CLEC9A: variants seen among roughly 807,000 people sequenced by gnomAD.
CLEC9A encodes the protein C-type lectin domain family 9 member A.
Under a neutral mutation model 30.0 loss-of-function variants are expected in CLEC9A, and 24 were observed. That is an observed-to-expected ratio of 0.80 (90% CI 0.58 to 1.13). CLEC9A has a LOEUF of 1.13. CLEC9A is among the 50% of genes most tolerant of loss of function. The probability of loss-of-function intolerance (pLI) is 0.00; values close to 1 mark genes in which losing one functional copy is unlikely to be tolerated. For missense variants in CLEC9A, 251 were observed against 280.9 expected, an observed-to-expected ratio of 0.89 and a Z score of 0.76; for synonymous variants, 111 against 96.8, an observed-to-expected ratio of 1.15 and a Z score of -0.86.
At chr12:10,036,234 C>G (rs1865743281) in intron 1 of CLEC9A, among the ~76,000 whole-genome samples, 1 of 152,190 alleles carries the variant, frequency 6.6e-6, no homozygotes, top group Admixed American at 6.5e-5. Flanking sequence ...GGTGTATTAA[C>G]TTTTAATAAA....
chr12:10,038,094 A>G (rs1195730763), intron 1 of CLEC9A, among the ~76,000 whole-genome samples: 2 of 152,240 alleles, frequency 1.3e-5, no homozygotes, highest in Non-Finnish European at 1.5e-5. Flanking sequence ...GAACCACTGA[A>G]TATTTTAACT....
At chr12:10,034,730 A>G (rs947903132) in intron 1 of CLEC9A, among the ~76,000 whole-genome samples, 1 of 152,044 alleles carries the variant, frequency 6.6e-6, no homozygotes, top group Non-Finnish European at 1.5e-5. Context: ...CGCTACTCAG[A>G]CCTCTAGGGG....
chr12:10,054,370 TTTCAAAATATG>T lies in CLEC9A; in HGVS notation c.172+21_172+31del. On this transcript the variant is annotated intron_variant, in intron 5 of 8. Transcript: ENST00000355819. ...GTCAAGTGTAAGTACTAAAAGATAT[TTTCAAAATATG>T]TATATCGTTATATATAAAACTTCAT... 6.7e-7 allele frequency: 1 copy of T among 1,502,818 alleles called. No individual in the cohort carries two copies. The highest frequency in any genetic ancestry group is 9.2e-7 in the Non-Finnish European group (1 of 1,084,852). 93.1% of individuals were successfully genotyped at this position (1,502,818 alleles called of 1,614,324 possible).
chr12:10,064,809 CGGA>C lies in CLEC9A; in HGVS notation c.550_552del (p.Gly184del). ...TGGGGTTGTCTCAGGATGGACACAG[CGGA>C]CGCTGGCTTTGGCAAGATGGCTCCT... On this transcript the variant is annotated inframe_deletion, in exon 8 of 9. Transcript: ENST00000355819. 6.2e-7 allele frequency: 1 copy of C among 1,613,140 alleles called. No individual in the cohort carries two copies. Among genetic ancestry groups the C allele is most frequent in the Non-Finnish European group, 8.5e-7 (1 of 1,179,540 alleles).
intron 1 of CLEC9A, among the ~76,000 whole-genome samples, chr12:10,035,902 G>C (rs1461801864): frequency 6.6e-6 from 1 of 152,184 alleles, no homozygotes; most frequent in Non-Finnish European, 1.5e-5. Context: ...ACCATGCCCG[G>C]TGCCTGGTAC....
chr12:10,049,691 G>C (rs544206611), intron 2 of CLEC9A, among the ~76,000 whole-genome samples: 56 of 152,276 alleles, frequency 3.7e-4, no homozygotes, highest in African/African-American at 1.3e-3. Flanking sequence ...GAATTGAAAA[G>C]AGTTAGGGCT....
chr12:10,033,543 A>T (rs1865718129), intron 1 of CLEC9A, among the ~76,000 whole-genome samples: 1 of 152,226 alleles, frequency 6.6e-6, no homozygotes, highest in Non-Finnish European at 1.5e-5. Flanking sequence ...CATCTCGATA[A>T]ATGAATATTC....
rs2137317399 is a variant in CLEC9A, at chr12:10,065,556, A to G, written c.650A>G (p.Asn217Ser). 1 of 1,613,992 alleles carries G rather than the reference A, an allele frequency of 6.2e-7. No homozygotes were observed. Among genetic ancestry groups the G allele is most frequent in the Non-Finnish European group, 8.5e-7 (1 of 1,179,906 alleles). Reference sequence around the variant, plus strand: ...CAAGTCTGTGGATACGTGAAAAGCAATTCCCTTCTTTCGTCTAACTGCAGC... The same window carrying G: ...CAAGTCTGTGGATACGTGAAAAGCAGTTCCCTTCTTTCGTCTAACTGCAGC... The part of the protein sequence containing the change: ...ANQVCGYVKS[N>S]SLLSSNCSTW... Residue 217 changes from asparagine to serine, a missense_variant, in exon 9 of 9, where the codon AAT (asparagine) becomes AGT (serine). Asn to Ser is a conservative substitution (Grantham distance 46, BLOSUM62 1). Transcript: ENST00000355819.
At chr12:10,052,461 C>G in intron 3 of CLEC9A, 169 bp from the exon 4 acceptor site, 1 of 1,207,104 alleles carries the variant, frequency 8.3e-7, no homozygotes, top group Non-Finnish European at 1.0e-6. Flanking sequence ...AAATTCAGTT[C>G]TCTCTCATTT....
intron 5 of CLEC9A, among the ~76,000 whole-genome samples, chr12:10,058,075 GGTGCTATATTTTGCTTCCCA>G (rs1232762167): frequency 1.3e-5 from 2 of 151,932 alleles, no homozygotes; most frequent in African/African-American, 2.4e-5. Context: ...CCCCAATAAA[GGTGCTATATTTTGCTTCCCA>G]TTTAGGGTAA....
At chr12:10,036,089 C>T (rs1865742074) in intron 1 of CLEC9A, among the ~76,000 whole-genome samples, 1 of 152,116 alleles carries the variant, frequency 6.6e-6, no homozygotes, top group Non-Finnish European at 1.5e-5. Flanking sequence ...TTAATTTTTA[C>T]TTCCATGTTT....
At chr12:10,054,870 G>A (rs1865926095) in intron 5 of CLEC9A, among the ~76,000 whole-genome samples, 1 of 152,116 alleles carries the variant, frequency 6.6e-6, no homozygotes, top group African/African-American at 2.4e-5. Flanking sequence ...AATAATTACA[G>A]AGCTTCAGAT....
intron 5 of CLEC9A, among the ~76,000 whole-genome samples, chr12:10,055,777 C>T (rs918810577): frequency 5.3e-5 from 8 of 151,888 alleles, no homozygotes; most frequent in African/African-American, 1.7e-4. Context: ...ACACTTTAGG[C>T]CAGGCGTGGT....
Position 10,030,744 on chromosome 12 carries a change from T to G in CLEC9A, c.-546T>G, listed in dbSNP as rs1865686874. 1 of 152,240 alleles carries G rather than the reference T, an allele frequency of 6.6e-6. No homozygotes were observed. The highest frequency in any genetic ancestry group is 2.1e-4 in the South Asian group (1 of 4,830). 9.4% of individuals were successfully genotyped at this position (152,240 alleles called of 1,614,324 possible). Reference sequence around the variant, plus strand: ...CTTTTCTGCTAGACTGGCAACATGTTTTGATTCTTCTCAAATAACTCGCAA... The same window carrying G: ...CTTTTCTGCTAGACTGGCAACATGTGTTGATTCTTCTCAAATAACTCGCAA... On this transcript the variant is annotated 5_prime_UTR_variant, in exon 1 of 9. Transcript: ENST00000355819.
intron 5 of CLEC9A, among the ~76,000 whole-genome samples, chr12:10,058,348 G>A (rs1032402525): frequency 6.6e-6 from 1 of 152,076 alleles, no homozygotes; most frequent in Non-Finnish European, 1.5e-5. Flanking sequence ...ACTTGACTCT[G>A]GTTAGATCCA....
At chr12:10,052,979 C>T (rs561562906) in intron 4 of CLEC9A, 19 of 479,416 alleles carry the variant, frequency 4.0e-5, no homozygotes, top group East Asian at 2.5e-4. Flanking sequence ...GATAAACGTG[C>T]GGAACTATTT....
chr12:10,035,838 C>A (rs914074883), intron 1 of CLEC9A, among the ~76,000 whole-genome samples: 24 of 152,294 alleles, frequency 1.6e-4, no homozygotes, highest in African/African-American at 5.5e-4. Flanking sequence ...CTCCCGGGCT[C>A]AAGCAATCCT....
At position 10,052,795 on chromosome 12, in the gene CLEC9A, A is replaced by G. The variant is rs1473697528; in HGVS notation, c.91+17A>G. 6.2e-7 allele frequency: 1 copy of G among 1,604,344 alleles called. No homozygotes were observed. The highest frequency in any genetic ancestry group is 8.5e-7 in the Non-Finnish European group (1 of 1,176,074). On this transcript the variant is annotated intron_variant, in intron 4 of 8. Transcript: ENST00000355819. ...AATGTTCAGGTAACCAGTTCTAACT[A>G]TTTTGTGTGAGACTTTAGAGTTCAT...
intron 1 of CLEC9A, among the ~76,000 whole-genome samples, chr12:10,033,591 C>T (rs1204151704): frequency 6.6e-6 from 1 of 152,180 alleles, no homozygotes; most frequent in East Asian, 1.9e-4. Context: ...TTGGAATCAC[C>T]TTTGACTTTT....
Sources: allele counts gnomAD v4.1 joint callset (sites outside exome capture counted in the v4.1 genomes callset), GRCh38; gene constraint gnomAD v4.1.1; transcripts MANE v1.5; gene names NCBI Gene and HGNC (gene_info 2026-07-23, HGNC 2026-07-21).